MAMLD1: variants seen among roughly 807,000 people sequenced by gnomAD.
The protein encoded by MAMLD1 is mastermind-like domain-containing protein 1.
MAMLD1 carries 14 observed loss-of-function variants against 45.0 expected under a neutral mutation model. The ratio of observed to expected loss-of-function variants is 0.31; its 90% CI spans 0.21 to 0.49. The LOEUF (loss-of-function observed/expected upper bound fraction) is 0.49, where lower values mean the gene tolerates loss of function less well. MAMLD1 is among the 20% of genes least tolerant of loss of function. The pLI is 0.99. For synonymous variants in MAMLD1, 254 were observed against 247.8 expected (o/e 1.02, Z -0.24); for missense variants, 543 against 603.6 (o/e 0.90, Z 1.05).
chrX:150,431,994 A>G (rs180920847), intron 1 of MAMLD1, among the ~76,000 whole-genome samples: 147 of 111,450 alleles, frequency 1.3e-3, no homozygotes, highest in Non-Finnish European at 2.3e-3. Flanking sequence ...AGAAATCACT[A>G]AACTGTTTTT....
At chrX:150,440,659 T>C (rs1413400006) in intron 1 of MAMLD1, among the ~76,000 whole-genome samples, 2 of 109,199 alleles carry the variant, frequency 1.8e-5, no homozygotes, top group African/African-American at 6.6e-5. Context: ...AGTCCCTTAT[T>C]ATCCTTTTCA....
At chrX:150,398,342 A>AAGAAGAAGT (rs1569564634) in intron 1 of MAMLD1, among the ~76,000 whole-genome samples, 1 of 65,111 alleles carries the variant, frequency 1.5e-5, no homozygotes, top group Admixed American at 2.1e-4. Flanking sequence ...GAAGAAGAAG[A>AAGAAGAAGT]GGAAGAGGAA....
intron 1 of MAMLD1, among the ~76,000 whole-genome samples, chrX:150,389,210 C>T (rs895934131): frequency 9.0e-6 from 1 of 111,127 alleles, no homozygotes; most frequent in Admixed American, 9.6e-5. Context: ...CCACGCCTGA[C>T]TAATTTTTTG....
chrX:150,403,966 AAG>A (rs1285302717), intron 1 of MAMLD1, among the ~76,000 whole-genome samples: 14 of 85,334 alleles, frequency 1.6e-4, no homozygotes, highest in East Asian at 6.1e-4. Flanking sequence ...GAAAGAAAGA[AAG>A]AAAGAAAGAA....
intron 2 of MAMLD1, among the ~76,000 whole-genome samples, chrX:150,446,372 C>T (rs1557404795): frequency 9.0e-6 from 1 of 111,334 alleles, no homozygotes; most frequent in Non-Finnish European, 1.9e-5. Context: ...CTTATAGAGC[C>T]GTGGGTCGGC....
chrX:150,423,528 T>C (rs1333597997), intron 1 of MAMLD1, among the ~76,000 whole-genome samples: 6 of 110,265 alleles, frequency 5.4e-5, no homozygotes, highest in Non-Finnish European at 1.1e-4. Flanking sequence ...TGCCTACCAG[T>C]ACTGATGGGG....
At chrX:150,460,346 A>G (rs1557405553) in intron 2 of MAMLD1, among the ~76,000 whole-genome samples, 1 of 112,301 alleles carries the variant, frequency 8.9e-6, no homozygotes, top group Admixed American at 9.4e-5. Context: ...TCCTCACCAC[A>G]AGGGCACCTG....
At chrX:150,504,192 TCG>T (rs2037655285) in intron 6 of MAMLD1, 4 of 751,258 alleles carry the variant, frequency 5.3e-6, no homozygotes, top group African/African-American at 2.3e-5. Flanking sequence ...GCCCCCAGAG[TCG>T]CATCAGTGGT....
rs782076816 is a variant in MAMLD1, at chrX:150,462,641, GA to G, written c.97-130del. The G allele has an allele frequency of 1.7e-3, 932 of 541,268 alleles. 3 individuals carry two copies. The highest frequency in any genetic ancestry group is 0.012 in the African/African-American group (542 of 43,852). The allele number at this position is 541,268 out of a possible 1,213,427, so 44.6% of individuals were successfully genotyped here. A position where few individuals can be genotyped will look rare whatever the true frequency, so the allele number is the denominator to read the frequency against. ...AGTAATCCCCTATTTAAATGTCATA[GA>G]TATATTTGGGGAGGCTCATAATTTG... On this transcript the variant is annotated intron_variant, in intron 2 of 7. Coordinates refer to ENST00000370401, the MANE Select transcript of MAMLD1 (RefSeq NM_005491.5).
chrX:150,475,877 G>A (rs981298528), intron 5 of MAMLD1, among the ~76,000 whole-genome samples: 2 of 112,185 alleles, frequency 1.8e-5, no homozygotes, highest in Non-Finnish European at 3.8e-5. Flanking sequence ...TGAAACCTCC[G>A]GGGCCTGATG....
At chrX:150,413,545 A>G (rs1301083526) in intron 1 of MAMLD1, among the ~76,000 whole-genome samples, 2 of 110,715 alleles carry the variant, frequency 1.8e-5, no homozygotes, top group African/African-American at 6.6e-5. Context: ...AAACAGTTGA[A>G]GGCTCATCAC....
intron 3 of MAMLD1, among the ~76,000 whole-genome samples, chrX:150,466,395 C>A (rs782149500): frequency 5.4e-5 from 6 of 112,114 alleles, no homozygotes; most frequent in Non-Finnish European, 9.4e-5. Flanking sequence ...TGGCCTCTGA[C>A]AAAGTGAGTT....
chrX:150,506,623 TC>T (rs1462768641), intron 6 of MAMLD1, among the ~76,000 whole-genome samples: 1 of 112,431 alleles, frequency 8.9e-6, no homozygotes, highest in South Asian at 3.7e-4. Flanking sequence ...CCTCTGCCTT[TC>T]CCCCGTTGGA....
chrX:150,380,349 T>C (rs930876219), intron 1 of MAMLD1, among the ~76,000 whole-genome samples: 1 of 112,095 alleles, frequency 8.9e-6, no homozygotes, highest in Non-Finnish European at 1.9e-5. Context: ...TCTGTTCATG[T>C]CTTTTCTCCC....
intron 2 of MAMLD1, among the ~76,000 whole-genome samples, chrX:150,452,435 A>T (rs1569564832): frequency 9.0e-6 from 1 of 110,714 alleles, no homozygotes; most frequent in African/African-American, 3.3e-5. Context: ...ATGGTGATGG[A>T]AAGGGTAGAA....
At chrX:150,365,139 C>T (rs1374204880) in intron 1 of MAMLD1, among the ~76,000 whole-genome samples, 1 of 104,167 alleles carries the variant, frequency 9.6e-6, no homozygotes, top group Non-Finnish European at 2.0e-5. Flanking sequence ...GCCAACAATC[C>T]GCTTTATAAA....
intron 1 of MAMLD1, among the ~76,000 whole-genome samples, chrX:150,363,967 T>C (rs1347188791): frequency 8.8e-6 from 1 of 113,201 alleles, no homozygotes; most frequent in South Asian, 3.6e-4. Context: ...CCCAGGCCAG[T>C]AGGCAGTGGG....
chrX:150,388,790 C>T (rs1365188697), intron 1 of MAMLD1, among the ~76,000 whole-genome samples: 1 of 111,614 alleles, frequency 9.0e-6, no homozygotes, highest in African/African-American at 3.3e-5. Flanking sequence ...TTGATTTTCT[C>T]TTGCTTTTCT....
At chrX:150,453,692 G>A (rs2035745321) in intron 2 of MAMLD1, among the ~76,000 whole-genome samples, 1 of 111,533 alleles carries the variant, frequency 9.0e-6, no homozygotes, top group Non-Finnish European at 1.9e-5. Context: ...CTTTCCCATA[G>A]CCTGCAAGAC....
Sources: allele counts gnomAD v4.1 joint callset (sites outside exome capture counted in the v4.1 genomes callset), GRCh38; gene constraint gnomAD v4.1.1; transcripts MANE v1.5; gene names NCBI Gene and HGNC (gene_info 2026-07-23, HGNC 2026-07-21).